The following YME1L1 variants were observed in gnomAD, a reference collection of about 807,000 sequenced individuals.
YME1L1 encodes YME1 like 1 ATPase.
In YME1L1, 39 loss-of-function variants were observed where a neutral mutation model predicts 90.4. The observed-to-expected ratio is 0.43, with a 90% CI of 0.33 to 0.56. YME1L1 has a LOEUF of 0.56. Among genes scored for constraint, YME1L1 ranks in the 20% least tolerant of loss-of-function variants. The pLI is 0.03. For missense variants in YME1L1, 617 were observed against 868.4 expected (o/e 0.71, Z 3.64); for synonymous variants, 284 against 287.3 (o/e 0.99, Z 0.12).
At position 27,134,793 on chromosome 10, in the gene YME1L1, T is replaced by C. The variant is rs1282496181; in HGVS notation, c.691+38A>G. On this transcript the variant is annotated intron_variant, in intron 6 of 18. Coordinates refer to ENST00000376016, the MANE Select transcript of YME1L1 (RefSeq NM_014263.4). ...TGTAGGACTATGACTTCCTTTCAGT[T>C]ACTCTTCTCAAACACGGATGGTGTC... 3.1e-6 allele frequency: 5 copies of C among 1,604,732 alleles called. No individual in the cohort carries two copies. In the Admixed American group the frequency reaches 8.4e-5, roughly 27 times the overall value.
chr10:27,116,883 A>T (rs114556273), intron 15 of YME1L1, among the ~76,000 whole-genome samples: 1,984 of 151,938 alleles, frequency 0.013, 51 homozygotes, highest in African/African-American at 0.044. Flanking sequence ...ATAAAAATTT[A>T]AAAAAAATTC....
At chr10:27,143,691 C>A (rs567917064) in intron 3 of YME1L1, among the ~76,000 whole-genome samples, 1 of 95,746 alleles carries the variant, frequency 1.0e-5, no homozygotes, top group African/African-American at 4.6e-5. Flanking sequence ...CAGCAAGACT[C>A]GTCTCTTTAA....
In YME1L1 at chr10:27,142,497, T is replaced by C. The variant is rs1055756205; in HGVS notation, c.332-12A>G. ...TATATCTAAGTTACCTGGAGGGAAA[T>C]TGCAAAAAGTAAATTTTCTAATTTC... On this transcript the variant is annotated splice_polypyrimidine_tract_variant and intron_variant, in intron 3 of 18. Transcript: ENST00000376016. 1.5e-6 allele frequency: 2 copies of C among 1,371,462 alleles called. No individual in the cohort carries two copies. The highest frequency in any genetic ancestry group is 1.9e-6 in the Non-Finnish European group (2 of 1,034,544). The allele number at this position is 1,371,462 out of a possible 1,614,324, so 85.0% of individuals were successfully genotyped here. A position where few individuals can be genotyped will look rare whatever the true frequency, so the allele number is the denominator to read the frequency against.
chr10:27,111,385 C>T lies in YME1L1; in HGVS notation c.*592G>A, dbSNP rs4749226. 0.24 allele frequency: 37,666 copies of T among 157,160 alleles called. 5,108 individuals carry two copies. The highest frequency in any genetic ancestry group is 0.56 in the East Asian group (2,999 of 5,316). 9.7% of individuals were successfully genotyped at this position (157,160 alleles called of 1,614,324 possible). On this transcript the variant is annotated 3_prime_UTR_variant, in exon 19 of 19. Transcript: ENST00000376016. ...TTTTTTTGTATTTTAGTAGAGACAGCGTTTCACCACGTTGGCCAGGCTGGT... is the reference window on the plus strand; with the variant it reads ...TTTTTTTGTATTTTAGTAGAGACAGTGTTTCACCACGTTGGCCAGGCTGGT...
chr10:27,118,775 G>T (rs780177649), intron 14 of YME1L1, among the ~76,000 whole-genome samples: 1 of 152,128 alleles, frequency 6.6e-6, no homozygotes, highest in Middle Eastern at 3.2e-3. Flanking sequence ...GCCAATCCAA[G>T]ATTTAAAATC....
rs780133397 is a variant in YME1L1, at chr10:27,119,454, T to C, written c.1412-5A>G. On this transcript the variant is annotated splice_region_variant and splice_polypyrimidine_tract_variant and intron_variant, in intron 13 of 18. Coordinates refer to ENST00000376016, the MANE Select transcript of YME1L1 (RefSeq NM_014263.4). Reference sequence around the variant, plus strand: ...CTATAATTTCTGGATCAACGGCTAATGTAAAAAGAGAACACAACGCTAATA... The same window carrying C: ...CTATAATTTCTGGATCAACGGCTAACGTAAAAAGAGAACACAACGCTAATA... 1.4e-5 allele frequency: 23 copies of C among 1,601,732 alleles called. No individual in the cohort carries two copies. Among genetic ancestry groups the C allele is most frequent in the Admixed American group, 1.8e-5 (1 of 55,912 alleles).
intron 4 of YME1L1, among the ~76,000 whole-genome samples, chr10:27,138,314 A>C (rs1342352803): frequency 1.3e-5 from 2 of 152,138 alleles, no homozygotes; most frequent in Admixed American, 6.5e-5. Flanking sequence ...ACATGTACTC[A>C]GTTATTCCAA....
Position 27,149,056 on chromosome 10 carries a change from AG to A in YME1L1, c.34-17del, listed in dbSNP as rs1564470089. 1 of 1,578,084 alleles carries A rather than the reference AG, an allele frequency of 6.3e-7. No individual in the cohort carries two copies. The highest frequency in any genetic ancestry group is 2.2e-5 in the East Asian group (1 of 44,588). On this transcript the variant is annotated splice_polypyrimidine_tract_variant and intron_variant, in intron 1 of 18. Coordinates refer to ENST00000376016, the MANE Select transcript of YME1L1 (RefSeq NM_014263.4). ...GAACTGTAACCTAGAAAAAGATAAA[AG>A]TTAAAAACTAAGTAGTTTTTTTTTA...
chr10:27,128,798 A>G (rs1225075931), intron 8 of YME1L1, among the ~76,000 whole-genome samples: 5 of 151,986 alleles, frequency 3.3e-5, no homozygotes. Flanking sequence ...AGTCCTAGCT[A>G]CCTGAGAGGC....
At chr10:27,124,245 C>T (rs3932559) in intron 9 of YME1L1, among the ~76,000 whole-genome samples, 36,664 of 151,984 alleles carry the variant, frequency 0.24, 4,982 homozygotes, top group East Asian at 0.56. Flanking sequence ...AAGTAGTTGA[C>T]GTTTATAGTT....
Position 27,121,457 on chromosome 10 carries a change from G to GA in YME1L1, c.1236-10dup, listed in dbSNP as rs757447857. ...CTTCATTGGGTTTAAAACTATATTG[G>GA]AAAAAAAATAGTATCTTTTACTAAC... is the stretch of plus-strand genomic sequence containing the variant. On this transcript the variant is annotated splice_polypyrimidine_tract_variant and intron_variant, in intron 11 of 18. Coordinates refer to ENST00000376016, the MANE Select transcript of YME1L1 (RefSeq NM_014263.4). 3.8e-5 allele frequency: 59 copies of GA among 1,558,080 alleles called. No homozygotes were observed. Among genetic ancestry groups the GA allele is most frequent in the Non-Finnish European group, 4.6e-5 (52 of 1,131,360 alleles).
chr10:27,114,831 C>G (rs894603327), intron 17 of YME1L1, among the ~76,000 whole-genome samples: 1 of 152,170 alleles, frequency 6.6e-6, no homozygotes, highest in African/African-American at 2.4e-5. Context: ...AGTTCGAGAC[C>G]AGCCTGGAAA....
intron 9 of YME1L1, among the ~76,000 whole-genome samples, chr10:27,125,457 T>TAAA (rs1564459047): frequency 1.9e-4 from 5 of 25,876 alleles, no homozygotes; most frequent in African/African-American, 9.9e-4. Context: ...TTGTTTCATT[T>TAAA]GAAAAAAAAA....
intron 6 of YME1L1, 35 bp downstream of exon 6, chr10:27,134,796 T>C: frequency 6.2e-7 from 1 of 1,606,158 alleles, no homozygotes; most frequent in Non-Finnish European, 8.5e-7. Flanking sequence ...TTTCAGTTAC[T>C]CTTCTCAAAC....
intron 17 of YME1L1, among the ~76,000 whole-genome samples, chr10:27,115,112 G>A (rs1437647583): frequency 6.6e-6 from 1 of 151,862 alleles, no homozygotes; most frequent in African/African-American, 2.4e-5. Context: ...ATTTAGCCAG[G>A]CATGGTGGCA....
At chr10:27,139,813 A>G (rs2057067266) in intron 4 of YME1L1, among the ~76,000 whole-genome samples, 1 of 152,174 alleles carries the variant, frequency 6.6e-6, no homozygotes, top group Admixed American at 6.5e-5. Context: ...ATTCCCACTC[A>G]TACTTCTAAT....
Position 27,131,927 on chromosome 10 carries a change from T to G in YME1L1, c.790A>C (p.Thr264Pro). 2 of 1,612,824 alleles carry G rather than the reference T, an allele frequency of 1.2e-6. No homozygotes were observed. Among genetic ancestry groups the G allele is most frequent in the Non-Finnish European group, 1.7e-6 (2 of 1,179,588 alleles). The stretch of plus-strand genomic sequence containing the variant: ...TCTACTGCAGAATCAAGCCCTGTTG[T>G]TGTCCGGAAGCGGACTAAAGGGAAG... ...NPFLSVRFRT[T>P]TGLDSAVDPV... Residue 264 changes from threonine (T) to proline (P), a missense_variant, in exon 8 of 19, where the codon ACA (threonine) becomes CCA (proline). Transcript: ENST00000376016.
intron 15 of YME1L1, among the ~76,000 whole-genome samples, chr10:27,116,997 A>C (rs930317977): frequency 6.6e-6 from 1 of 152,210 alleles, no homozygotes; most frequent in Non-Finnish European, 1.5e-5. Context: ...GCTCTCACTA[A>C]AGTACTTTAT....
At chr10:27,141,180 A>G (rs1458096386) in intron 4 of YME1L1, among the ~76,000 whole-genome samples, 1 of 152,120 alleles carries the variant, frequency 6.6e-6, no homozygotes, top group Non-Finnish European at 1.5e-5. Flanking sequence ...GGATCACCTA[A>G]GGTCAGGAGT....
Sources: allele counts gnomAD v4.1 joint callset (sites outside exome capture counted in the v4.1 genomes callset), GRCh38; gene constraint gnomAD v4.1.1; transcripts MANE v1.5; gene names NCBI Gene and HGNC (gene_info 2026-07-23, HGNC 2026-07-21).